Variants in IFT80 observed in about 807,000 individuals in gnomAD.
IFT80 encodes the protein intraflagellar transport protein 80 homolog.
Under a neutral mutation model 107.9 loss-of-function variants are expected in IFT80, and 79 were observed. The ratio of observed to expected loss-of-function variants is 0.73; its 90% confidence interval spans 0.61 to 0.88. The LOEUF (loss-of-function observed/expected upper bound fraction) is 0.88. Ranked by LOEUF, IFT80 falls within the 40% of genes least tolerant of loss-of-function variation. The pLI is 0.00. For synonymous variants in IFT80, 299 were observed against 300.9 expected (o/e 0.99, Z 0.07); for missense variants, 797 against 914.2 (o/e 0.87, Z 1.65).
At chr3:160,358,278 G>A (rs1340409741) in intron 6 of IFT80, among the ~76,000 whole-genome samples, 1 of 151,630 alleles carries the variant, frequency 6.6e-6, no homozygotes, top group Non-Finnish European at 1.5e-5. Context: ...CTCCCAATGT[G>A]CGGGGATTAC....
At chr3:160,293,994 G>A (rs963334161) in intron 12 of IFT80, among the ~76,000 whole-genome samples, 9 of 152,038 alleles carry the variant, frequency 5.9e-5, no homozygotes, top group Admixed American at 3.3e-4. Context: ...AGAAGCTCCA[G>A]GCCTCACCCG....
intron 9 of IFT80, among the ~76,000 whole-genome samples, chr3:160,309,438 C>A (rs998151164): frequency 6.6e-6 from 1 of 152,198 alleles, no homozygotes; most frequent in African/African-American, 2.4e-5. Flanking sequence ...CGCCTGTCAT[C>A]CTAGCACTTT....
At chr3:160,333,410 T>G (rs1276642290) in intron 8 of IFT80, among the ~76,000 whole-genome samples, 2 of 152,216 alleles carry the variant, frequency 1.3e-5, no homozygotes, top group Non-Finnish European at 2.9e-5. Context: ...ATAAACCTCT[T>G]AATTTTTTAA....
intron 8 of IFT80, among the ~76,000 whole-genome samples, chr3:160,346,613 T>C (rs1012877625): frequency 6.6e-6 from 1 of 152,132 alleles, no homozygotes; most frequent in Admixed American, 6.5e-5. Context: ...CATTGTTGCT[T>C]GTTGAGGGCT....
chr3:160,270,491 G>A (rs1435152911), intron 18 of IFT80, among the ~76,000 whole-genome samples: 2 of 152,018 alleles, frequency 1.3e-5, no homozygotes, highest in East Asian at 3.9e-4. Flanking sequence ...CTTATAAATT[G>A]ACATACACTG....
intron 12 of IFT80, among the ~76,000 whole-genome samples, chr3:160,289,466 T>A (rs916771377): frequency 6.6e-6 from 1 of 152,170 alleles, no homozygotes; most frequent in African/African-American, 2.4e-5. Flanking sequence ...AAGTTTTATT[T>A]GGTTGTTTTT....
At chr3:160,347,653 T>C (rs1279539408) in intron 8 of IFT80, among the ~76,000 whole-genome samples, 2 of 152,156 alleles carry the variant, frequency 1.3e-5, no homozygotes, top group Admixed American at 6.5e-5. Context: ...CGTGAGATCA[T>C]AGAGTAACAT....
intron 9 of IFT80, among the ~76,000 whole-genome samples, chr3:160,311,335 G>A (rs1014412418): frequency 6.6e-6 from 1 of 152,102 alleles, no homozygotes; most frequent in African/African-American, 2.4e-5. Context: ...TTTATTTCCT[G>A]ATAAAAACAA....
At chr3:160,371,679 G>C (rs548907663) in intron 5 of IFT80, among the ~76,000 whole-genome samples, 1 of 152,154 alleles carries the variant, frequency 6.6e-6, no homozygotes, top group Admixed American at 6.6e-5. Flanking sequence ...CTGGGCTCAA[G>C]TGATCTGCCC....
chr3:160,337,805 T>C (rs1331201470), intron 8 of IFT80, among the ~76,000 whole-genome samples: 2 of 152,172 alleles, frequency 1.3e-5, no homozygotes, highest in African/African-American at 4.8e-5. Context: ...AGTGTTTTTT[T>C]CCCTTTTCTC....
At chr3:160,280,480 TCATACCA>T (rs1373542664) in intron 15 of IFT80, among the ~76,000 whole-genome samples, 180 bp downstream of exon 15, 2 of 152,154 alleles carry the variant, frequency 1.3e-5, no homozygotes, top group Non-Finnish European at 2.9e-5. Context: ...ATAATTCATA[TCATACCA>T]CACTTTCAAC....
rs1267839974 is a variant in IFT80, at chr3:160,258,187, G to T, written c.*338C>A. The T allele has an allele frequency of 2.3e-5, 6 of 262,584 alleles. No individual in the cohort carries two copies. Among genetic ancestry groups the T allele is most frequent in the Non-Finnish European group, 3.6e-5 (5 of 137,126 alleles). The allele number at this position is 262,584 out of a possible 1,614,324, so 16.3% of individuals were successfully genotyped here. A position where few individuals can be genotyped will look rare whatever the true frequency, so the allele number is the denominator to read the frequency against. On this transcript the variant is annotated 3_prime_UTR_variant, in exon 20 of 20. Coordinates refer to ENST00000326448, the MANE Select transcript of IFT80 (RefSeq NM_020800.3). The stretch of plus-strand genomic sequence containing the variant: ...AATTAATGGTAACATACATTTCAAA[G>T]AGTCCAATGTTTTATTATCGACATT...
chr3:160,326,353 C>T (rs1008829138), intron 8 of IFT80, among the ~76,000 whole-genome samples: 8 of 152,066 alleles, frequency 5.3e-5, no homozygotes, highest in African/African-American at 1.9e-4. Context: ...GATACCAAAA[C>T]CTGGCAGAGA....
At chr3:160,322,397 G>C (rs1718306983) in intron 8 of IFT80, among the ~76,000 whole-genome samples, 1 of 151,760 alleles carries the variant, frequency 6.6e-6, no homozygotes, top group Admixed American at 6.6e-5. Flanking sequence ...AGTATTCCAT[G>C]GTGTATATGT....
rs1482292010 is a variant in IFT80 at position 160,258,587 on chromosome 3, T to G, written c.2272A>C (p.Thr758Pro). 4.3e-6 allele frequency: 7 copies of G among 1,613,600 alleles called. No homozygotes were observed. ...CTTGATGATTGCTCTCTTTCTTTTG[T>G]AATTTCCATCTCAATTTTGGCTTTG... is the stretch of plus-strand genomic sequence containing the variant. ...KIKAKIEMEITKEREQSSSSQ... is the reference protein window; with the variant it reads ...KIKAKIEMEIPKEREQSSSSQ... The change falls in exon 20 of 20, where the codon ACA becomes CCA. Residue 758 changes from threonine to proline, a missense_variant. Transcript: ENST00000326448.
intron 12 of IFT80, among the ~76,000 whole-genome samples, chr3:160,298,710 A>G (rs1338803331): frequency 6.6e-6 from 1 of 152,160 alleles, no homozygotes; most frequent in East Asian, 1.9e-4. Context: ...TGTGGACATC[A>G]TGGAGGGTAC....
chr3:160,301,814 T>C (rs1444923576), intron 11 of IFT80, among the ~76,000 whole-genome samples: 2 of 151,922 alleles, frequency 1.3e-5, no homozygotes, highest in Non-Finnish European at 2.9e-5. Context: ...AAAAGACCTC[T>C]TGAGATCCTA....
chr3:160,345,481 G>C (rs1278328448), intron 8 of IFT80, among the ~76,000 whole-genome samples: 1 of 152,018 alleles, frequency 6.6e-6, no homozygotes, highest in Non-Finnish European at 1.5e-5. Flanking sequence ...AAGGTCAAGA[G>C]TTCGAGACCA....
In IFT80 at chr3:160,364,234, C is replaced by A. The variant is rs553908879; in HGVS notation, c.549+1809G>T. 5.9e-5 allele frequency among the ~76,000 whole-genome samples: 9 copies of A among 152,136 alleles called. No individual in the cohort carries two copies. In the South Asian group the frequency reaches 1.9e-3, roughly 32 times the overall value. ...TCTCAAAAGAAGACATTTATGCAGC[C>A]AACAGATACATGAAAAAATGCTCAT... On this transcript the variant is annotated intron_variant, in intron 6 of 19. Coordinates refer to ENST00000326448, the MANE Select transcript of IFT80 (RefSeq NM_020800.3).
Sources: gnomAD v4.1 joint callset for allele counts (sites outside exome capture counted in the v4.1 genomes callset) on GRCh38, gnomAD v4.1.1 for gene constraint, MANE v1.5 for transcripts, NCBI Gene and HGNC (gene_info 2026-07-23, HGNC 2026-07-21) for gene names.